The following SLC7A14 variants were observed in gnomAD, a reference collection of about 807,000 sequenced individuals.
SLC7A14 encodes gamma-aminobutyric acid transporter SLC7A14.
SLC7A14 carries 37 observed loss-of-function variants against 60.2 expected under a neutral mutation model. The ratio of observed to expected loss-of-function variants is 0.61; its 90% confidence interval spans 0.47 to 0.81. The LOEUF (loss-of-function observed/expected upper bound fraction) is 0.81, where lower values mean the gene tolerates loss of function less well. Ranked by LOEUF, SLC7A14 falls within the 30% of genes least tolerant of loss-of-function variation. The pLI, the probability that SLC7A14 is intolerant of heterozygous loss-of-function variation, is 0.00. For missense variants in SLC7A14, 886 were observed against 982.7 expected, an observed-to-expected ratio of 0.90 and a Z score of 1.32; for synonymous variants, 399 against 395.8, an observed-to-expected ratio of 1.01 and a Z score of -0.10.
intron 1 of SLC7A14, among the ~76,000 whole-genome samples, chr3:170,530,622 A>C (rs77292792): frequency 0.015 from 2,321 of 152,278 alleles, 53 homozygotes; most frequent in African/African-American, 0.052. Context: ...ATATGAGATG[A>C]CTTACTTTCT....
chr3:170,554,993 C>G (rs1714448830), intron 1 of SLC7A14, among the ~76,000 whole-genome samples: 2 of 151,892 alleles, frequency 1.3e-5, no homozygotes, highest in African/African-American at 4.8e-5. Flanking sequence ...ATGGTGAAAC[C>G]CCATCTCTAC....
At chr3:170,568,686 T>C (rs1196590682) in intron 1 of SLC7A14, among the ~76,000 whole-genome samples, 3 of 152,214 alleles carry the variant, frequency 2.0e-5, no homozygotes, top group African/African-American at 4.8e-5. Flanking sequence ...TTTATTTCAT[T>C]GAGCAGTGGT....
At chr3:170,525,970 C>G (rs370880295) in intron 2 of SLC7A14, among the ~76,000 whole-genome samples, 1 of 151,974 alleles carries the variant, frequency 6.6e-6, no homozygotes, top group East Asian at 1.9e-4. Flanking sequence ...ACTCAGGAGG[C>G]TGAGGCTAAA....
chr3:170,566,409 T>G (rs924542746), intron 1 of SLC7A14, among the ~76,000 whole-genome samples: 2 of 152,174 alleles, frequency 1.3e-5, no homozygotes, highest in African/African-American at 4.8e-5. Flanking sequence ...TCAAACAAGA[T>G]TTCAGTGATA....
intron 1 of SLC7A14, among the ~76,000 whole-genome samples, chr3:170,529,175 A>T (rs1479547620): frequency 2.6e-5 from 4 of 152,252 alleles, no homozygotes; most frequent in African/African-American, 4.8e-5. Flanking sequence ...TGAGTAAATA[A>T]GATACCACCC....
rs1267978608 is a variant in SLC7A14 at position 170,585,428 on chromosome 3, C to A, written c.-153+483G>T. 6.6e-6 allele frequency among the ~76,000 whole-genome samples: 1 copy of A among 152,174 alleles called. No homozygotes were observed. Among genetic ancestry groups the A allele is most frequent in the Non-Finnish European group, 1.5e-5 (1 of 68,016 alleles). On this transcript the variant is annotated intron_variant, in intron 1 of 7. Coordinates refer to ENST00000231706, the MANE Select transcript of SLC7A14 (RefSeq NM_020949.3). This position sits in a 1 kb window ranked among gnomAD's most constrained non-coding sequence, Gnocchi z 5.1. ...TTGCTCCCGACCTCCCCGGAGTCTG[C>A]GGCCGGAAAAGCGTCTCCGTTTCAT...
intron 2 of SLC7A14, among the ~76,000 whole-genome samples, chr3:170,505,106 T>A (rs1413145229): frequency 1.3e-5 from 2 of 152,228 alleles, no homozygotes; most frequent in Non-Finnish European, 2.9e-5. Context: ...AAAGCATTTT[T>A]TTTTTTGCAT....
At chr3:170,509,843 C>T (rs1712911001) in intron 2 of SLC7A14, among the ~76,000 whole-genome samples, 1 of 151,810 alleles carries the variant, frequency 6.6e-6, no homozygotes, top group Admixed American at 6.6e-5. Flanking sequence ...CTTTGGGAGG[C>T]CGAGGTGGGT....
At chr3:170,572,458 T>C (rs1714984385) in intron 1 of SLC7A14, among the ~76,000 whole-genome samples, 1 of 152,236 alleles carries the variant, frequency 6.6e-6, no homozygotes, top group Non-Finnish European at 1.5e-5. Context: ...AGTATTATGA[T>C]ATAGCTGTCA....
At chr3:170,496,178 C>T (rs1161820653) in intron 4 of SLC7A14, 2 of 906,844 alleles carry the variant, frequency 2.2e-6, no homozygotes, top group Non-Finnish European at 3.7e-6. Flanking sequence ...TGTCCATGGA[C>T]AACAGCCTCT....
At position 170,470,131 on chromosome 3, in the gene SLC7A14, G is replaced by T. The variant is rs570885212; in HGVS notation, c.1994-2754C>A. On this transcript the variant is annotated intron_variant, in intron 7 of 7. Transcript: ENST00000231706. ...GGGAAAGAATAAGTGACTTGCCTGG[G>T]TCTGAGAAGGAGAGGAACCAGCTTT... Among the ~76,000 whole-genome samples the T allele has an allele frequency of 2.6e-5, 4 of 152,264 alleles. No homozygotes were observed. The South Asian group carries it at 8.3e-4, about 32-fold the overall frequency.
At chr3:170,494,622 TA>T (rs879264379) in intron 4 of SLC7A14, among the ~76,000 whole-genome samples, 1 of 152,254 alleles carries the variant, frequency 6.6e-6, no homozygotes, top group Non-Finnish European at 1.5e-5. Context: ...AAGTGGGGCC[TA>T]AACTAGAGTG....
rs1451846837 is a variant in SLC7A14 at position 170,483,341 on chromosome 3, G to C, written c.1088C>G (p.Ala363Gly). ...GAAAAGGAGCCCGTCACCAGCCATGGCATAAATGACCCTCGGCATCGGGAA... is the reference window on the plus strand; with the variant it reads ...GAAAAGGAGCCCGTCACCAGCCATGCCATAAATGACCCTCGGCATCGGGAA... ...SLFPMPRVIY[A>G]MAGDGLLFRF... Residue 363 changes from alanine (A) to glycine (G), a missense_variant, in exon 6 of 8, where the codon GCC becomes GGC. Physicochemically the swap from Ala to Gly is moderately conservative, Grantham distance 60. Transcript: ENST00000231706. 6.2e-7 allele frequency: 1 copy of C among 1,614,110 alleles called. No individual in the cohort carries two copies. The highest frequency in any genetic ancestry group is 2.2e-5 in the East Asian group (1 of 44,888).
intron 2 of SLC7A14, among the ~76,000 whole-genome samples, chr3:170,526,333 T>C (rs1397659107): frequency 1.4e-5 from 2 of 148,004 alleles, no homozygotes; most frequent in Non-Finnish European, 3.0e-5. Context: ...ACCAAGGAGG[T>C]GGAGGTTTCA....
chr3:170,534,426 T>C (rs763694412), intron 1 of SLC7A14, among the ~76,000 whole-genome samples: 1 of 152,182 alleles, frequency 6.6e-6, no homozygotes, highest in African/African-American at 2.4e-5. Flanking sequence ...AGAAGTGTCC[T>C]CCTCCCATTG....
At chr3:170,553,849 CTT>C (rs3077204) in intron 1 of SLC7A14, among the ~76,000 whole-genome samples, 3 of 143,216 alleles carry the variant, frequency 2.1e-5, no homozygotes, top group African/African-American at 5.2e-5. Flanking sequence ...GTTAAAAAAA[CTT>C]TTTTTTTTTT....
intron 2 of SLC7A14, among the ~76,000 whole-genome samples, chr3:170,516,707 C>T (rs550281655): frequency 1.3e-5 from 2 of 152,194 alleles, no homozygotes; most frequent in East Asian, 3.9e-4. Context: ...TTTGAGGCTG[C>T]AGGGAGCCAT....
At chr3:170,538,193 G>T (rs1334762296) in intron 1 of SLC7A14, among the ~76,000 whole-genome samples, 2 of 152,184 alleles carry the variant, frequency 1.3e-5, no homozygotes, top group Non-Finnish European at 2.9e-5. Flanking sequence ...AAATAGAGTT[G>T]TCCATCTGAG....
chr3:170,564,235 A>G (rs1714735664), intron 1 of SLC7A14, among the ~76,000 whole-genome samples: 1 of 152,210 alleles, frequency 6.6e-6, no homozygotes, highest in African/African-American at 2.4e-5. Flanking sequence ...TCACTGGAGA[A>G]CAGAAACTGA....
Sources: gnomAD v4.1 joint callset for allele counts (sites outside exome capture counted in the v4.1 genomes callset) on GRCh38, gnomAD v4.1.1 for gene constraint, Gnocchi (gnomAD v3.1) non-coding constraint, MANE v1.5 for transcripts, NCBI Gene and HGNC (gene_info 2026-07-23, HGNC 2026-07-21) for gene names.